LARGE1: variants seen among roughly 807,000 people sequenced by gnomAD.
LARGE1 encodes the protein xylosyl- and glucuronyltransferase LARGE1.
A neutral mutation model predicts 87.6 loss-of-function variants in LARGE1; 43 were observed. That is an observed-to-expected ratio of 0.49 (90% CI 0.38 to 0.63). The LOEUF (loss-of-function observed/expected upper bound fraction) is 0.63. LARGE1 is among the 30% of genes least tolerant of loss of function. The pLI, the probability that LARGE1 is intolerant of heterozygous loss-of-function variation, is 0.00. For synonymous variants in LARGE1, 434 were observed against 394.6 expected (o/e 1.10, Z -1.18); for missense variants, 802 against 1,000.2 (o/e 0.80, Z 2.67).
At chr22:33,361,744 G>GTCCCTCCTCTTTAGAA (rs1479375700) in intron 9 of LARGE1, among the ~76,000 whole-genome samples, 3 of 149,572 alleles carry the variant, frequency 2.0e-5, no homozygotes, top group Non-Finnish European at 4.5e-5. Context: ...CCTCTTTAGA[G>GTCCCTCCTCTTTAGAA]TCCCTCCTCT....
At chr22:33,783,324 G>A (rs998678466) in intron 1 of LARGE1, among the ~76,000 whole-genome samples, 12 of 152,180 alleles carry the variant, frequency 7.9e-5, no homozygotes, top group African/African-American at 1.2e-4. Flanking sequence ...AAATTTGTTT[G>A]GGAGGCTGAG....
chr22:33,357,515 C>T (rs1272810827), intron 9 of LARGE1, among the ~76,000 whole-genome samples: 1 of 152,176 alleles, frequency 6.6e-6, no homozygotes, highest in Non-Finnish European at 1.5e-5. Context: ...AAAAAAGATG[C>T]CTGGCCCAGT....
At chr22:33,587,555 T>C (rs1285543441) in intron 5 of LARGE1, among the ~76,000 whole-genome samples, 1 of 152,196 alleles carries the variant, frequency 6.6e-6, no homozygotes, top group Non-Finnish European at 1.5e-5. Flanking sequence ...CCCATTTTTC[T>C]GCGAGTCTGT....
chr22:33,334,066 T>C (rs1333097647), intron 10 of LARGE1, among the ~76,000 whole-genome samples: 2 of 151,294 alleles, frequency 1.3e-5, no homozygotes, highest in Admixed American at 1.3e-4. Context: ...GAGGTTGCCA[T>C]GAGCCGAGAT....
intron 9 of LARGE1, among the ~76,000 whole-genome samples, chr22:33,361,662 G>T (rs1027257475): frequency 1.4e-5 from 2 of 146,740 alleles, no homozygotes; most frequent in African/African-American, 5.0e-5. Context: ...TTCAGCTCAG[G>T]TTTCCTATCT....
intron 3 of LARGE1, among the ~76,000 whole-genome samples, chr22:33,628,906 C>G (rs1198586564): frequency 1.3e-5 from 2 of 152,138 alleles, no homozygotes; most frequent in Non-Finnish European, 2.9e-5. Flanking sequence ...GCCAGGGATG[C>G]TGCTCAGCAT....
At chr22:33,831,036 C>T (rs761335872) in intron 1 of LARGE1, among the ~76,000 whole-genome samples, 1 of 151,696 alleles carries the variant, frequency 6.6e-6, no homozygotes, top group African/African-American at 2.4e-5. Context: ...GCAATGTAGA[C>T]GACAATGGTG....
chr22:33,784,980 T>C lies in LARGE1; in HGVS notation c.-82-23422A>G, dbSNP rs149758350. 3.3e-4 allele frequency among the ~76,000 whole-genome samples: 50 copies of C among 151,204 alleles called. 1 individual carries two copies. In the East Asian group the frequency reaches 5.7e-3, roughly 17 times the overall value. On this transcript the variant is annotated intron_variant, in intron 1 of 14. Transcript: ENST00000397394. Reference sequence around the variant, plus strand: ...ACATGGGTATATACATGTGTATACATACATATGTGTACGTGTATATACATA... The same window carrying C: ...ACATGGGTATATACATGTGTATACACACATATGTGTACGTGTATATACATA...
intron 2 of LARGE1, among the ~76,000 whole-genome samples, chr22:33,654,994 C>A (rs240341): frequency 0.48 from 73,090 of 152,064 alleles, 20,085 homozygotes; most frequent in Middle Eastern, 0.65. Context: ...TGATCATACA[C>A]TTGATGCTGG....
At chr22:33,175,791 T>C (rs1038854816) in intron 11 of LARGE1, among the ~76,000 whole-genome samples, 1 of 152,164 alleles carries the variant, frequency 6.6e-6, no homozygotes, top group African/African-American at 2.4e-5. Context: ...TTTCACAGAA[T>C]TGGAAAAAAC....
At chr22:33,077,374 T>C in the LARGE1 span, among the ~76,000 whole-genome samples, 22 of 152,200 alleles carry the variant, frequency 1.4e-4, no homozygotes, top group Non-Finnish European at 2.5e-4. Flanking sequence ...GGCACTCAGA[T>C]TTAAACCTAG....
At chr22:33,648,503 C>CGTTA in intron 3 of LARGE1, among the ~76,000 whole-genome samples, 1 of 152,252 alleles carries the variant, frequency 6.6e-6, no homozygotes, top group African/African-American at 2.4e-5. Flanking sequence ...CCAAACTAAC[C>CGTTA]CTTTCTAAAC....
chr22:33,110,505 A>G, the LARGE1 span: 1 of 152,244 alleles, frequency 6.6e-6, no homozygotes, highest in East Asian at 1.9e-4. Flanking sequence ...TACTGCAGCC[A>G]CCTCACAAGA....
chr22:33,743,949 T>C, intron 2 of LARGE1: 1 of 152,184 alleles, frequency 6.6e-6, no homozygotes, highest in East Asian at 1.9e-4. Context: ...ACCAGCTGAG[T>C]GACCCTGAGC....
intron 9 of LARGE1, among the ~76,000 whole-genome samples, chr22:33,343,031 T>G (rs528501220): frequency 6.6e-6 from 1 of 152,328 alleles, no homozygotes; most frequent in South Asian, 2.1e-4. Flanking sequence ...CATTAAAAAT[T>G]GCAAAAACTG....
intron 6 of LARGE1, among the ~76,000 whole-genome samples, chr22:33,521,936 A>G (rs1174541126): frequency 1.3e-5 from 2 of 152,228 alleles, no homozygotes; most frequent in African/African-American, 4.8e-5. Context: ...CAATCACGGC[A>G]GAAGGCAAAG....
intron 10 of LARGE1, among the ~76,000 whole-genome samples, chr22:33,318,053 G>A (rs866444473): frequency 2.6e-4 from 39 of 151,968 alleles, no homozygotes; most frequent in Admixed American, 5.9e-4. Flanking sequence ...TGGCCAAGAT[G>A]GTGACACCCC....
intron 6 of LARGE1, among the ~76,000 whole-genome samples, chr22:33,547,694 T>C (rs796239788): frequency 2.1e-5 from 3 of 145,464 alleles, no homozygotes; most frequent in East Asian, 4.2e-4. Flanking sequence ...CTCAGGAGGC[T>C]GAGGCAGGAG....
intron 1 of LARGE1, among the ~76,000 whole-genome samples, chr22:33,909,088 T>C (rs1601896431): frequency 6.6e-6 from 1 of 152,278 alleles, no homozygotes; most frequent in East Asian, 1.9e-4. Flanking sequence ...CCGAAAAGTG[T>C]ATTTTCACCA....
Sources: gnomAD v4.1 joint callset for allele counts (sites outside exome capture counted in the v4.1 genomes callset) on GRCh38, gnomAD v4.1.1 for gene constraint, MANE v1.5 for transcripts, NCBI Gene and HGNC (gene_info 2026-07-23, HGNC 2026-07-21) for gene names.